C8orf34: variants seen among roughly 807,000 people sequenced by gnomAD.
The protein encoded by C8orf34 is uncharacterized protein C8orf34.
C8orf34 carries 65 observed loss-of-function variants against 68.3 expected under a neutral mutation model. The observed-to-expected ratio is 0.95, with a 90% CI of 0.78 to 1.17. The LOEUF (loss-of-function observed/expected upper bound fraction) is 1.17, where lower values mean the gene tolerates loss of function less well. C8orf34 is among the 50% of genes most tolerant of loss of function. The pLI, the probability that C8orf34 is intolerant of heterozygous loss-of-function variation, is 0.00. For missense variants in C8orf34, 664 were observed against 655.4 expected (o/e 1.01, Z -0.14); for synonymous variants, 244 against 241.2 (o/e 1.01, Z -0.11).
intron 8 of C8orf34, among the ~76,000 whole-genome samples, chr8:68,671,071 T>A (rs776255541): frequency 3.3e-5 from 5 of 152,190 alleles, no homozygotes; most frequent in Non-Finnish European, 5.9e-5. Flanking sequence ...ATTACACTGA[T>A]TCTTTTCAAA....
At chr8:68,375,459 A>G (rs1433091121) in intron 1 of C8orf34, among the ~76,000 whole-genome samples, 2 of 152,240 alleles carry the variant, frequency 1.3e-5, no homozygotes, top group African/African-American at 4.8e-5. Context: ...TTGAGAAACC[A>G]CAGCCACAAC....
At chr8:68,398,514 G>T (rs774708878) in intron 1 of C8orf34, among the ~76,000 whole-genome samples, 42 of 150,894 alleles carry the variant, frequency 2.8e-4, no homozygotes, top group Admixed American at 1.3e-4. Flanking sequence ...TTTTTGGTGT[G>T]GTAAAAAAAC....
At chr8:68,783,680 C>A (rs536399321) in intron 11 of C8orf34, among the ~76,000 whole-genome samples, 2 of 152,136 alleles carry the variant, frequency 1.3e-5, no homozygotes, top group South Asian at 2.1e-4. Context: ...CTTTTCTGGG[C>A]GGAACCAATG....
In C8orf34 at chr8:68,797,107, G is replaced by A. The variant is rs555797416; in HGVS notation, c.1549+9571G>A. On this transcript the variant is annotated intron_variant, in intron 12 of 13. Transcript: ENST00000518698. ...CTCCCAAAGTGCTGGGATTACTGGC[G>A]TGAGCCACCGCACCCAGCCTATTTG... 1.5e-3 allele frequency among the ~76,000 whole-genome samples: 226 copies of A among 152,288 alleles called. 1 individual carries two copies. Among genetic ancestry groups the A allele is most frequent in the African/African-American group, 5.0e-3 (206 of 41,560 alleles).
intron 7 of C8orf34, among the ~76,000 whole-genome samples, chr8:68,580,520 C>A (rs557874103): frequency 6.6e-6 from 1 of 152,004 alleles, no homozygotes; most frequent in Non-Finnish European, 1.5e-5. Context: ...ACACTTATGG[C>A]CCCTATCAGG....
intron 11 of C8orf34, among the ~76,000 whole-genome samples, chr8:68,787,082 A>T (rs1823865835): frequency 6.6e-6 from 1 of 152,182 alleles, no homozygotes; most frequent in Admixed American, 6.5e-5. Context: ...CATTAAAGGG[A>T]ATTTGAAACC....
At chr8:68,795,801 T>G (rs1263484602) in intron 12 of C8orf34, among the ~76,000 whole-genome samples, 2 of 152,162 alleles carry the variant, frequency 1.3e-5, no homozygotes, top group African/African-American at 4.8e-5. Flanking sequence ...ATTTACCAGA[T>G]TTTCTTCTAA....
intron 7 of C8orf34, among the ~76,000 whole-genome samples, chr8:68,576,122 A>C (rs1182720651): frequency 6.6e-6 from 1 of 151,090 alleles, no homozygotes; most frequent in Non-Finnish European, 1.5e-5. Flanking sequence ...TTTACTTACC[A>C]CCAATTAAAT....
At chr8:68,673,440 TCAC>T (rs1410252395) in intron 8 of C8orf34, among the ~76,000 whole-genome samples, 1 of 152,002 alleles carries the variant, frequency 6.6e-6, no homozygotes, top group Non-Finnish European at 1.5e-5. Context: ...CTGACACCAT[TCAC>T]CACAAGCTGA....
At chr8:68,555,284 T>A (rs887615802) in intron 7 of C8orf34, among the ~76,000 whole-genome samples, 1 of 152,178 alleles carries the variant, frequency 6.6e-6, no homozygotes, top group East Asian at 1.9e-4. Flanking sequence ...AAAACTGGGA[T>A]ACCATTTGGA....
intron 7 of C8orf34, chr8:68,534,199 T>A: frequency 1.0e-6 from 1 of 985,444 alleles, no homozygotes; most frequent in Non-Finnish European, 1.2e-6. Context: ...AGATGTTTTC[T>A]GATGCTGTAA....
At chr8:68,478,242 A>T (rs1252935163) in intron 4 of C8orf34, among the ~76,000 whole-genome samples, 1 of 151,782 alleles carries the variant, frequency 6.6e-6, no homozygotes, top group Non-Finnish European at 1.5e-5. Context: ...AGATCCACAG[A>T]TCTGCCCTAG....
chr8:68,693,912 G>A (rs537320704), intron 8 of C8orf34, among the ~76,000 whole-genome samples: 4 of 152,120 alleles, frequency 2.6e-5, no homozygotes, highest in Admixed American at 6.6e-5. Context: ...TAAGAATGAG[G>A]TGCAAACAGG....
At position 68,581,793 on chromosome 8, in the gene C8orf34, C is replaced by T. The variant is rs1054313847; in HGVS notation, c.1105+48644C>T. ...CTGTCCGGCATTTCTGTTGCAGGGG[C>T]AAGAATCCTTTATCATTGTCTCACC... On this transcript the variant is annotated intron_variant, in intron 7 of 13. Coordinates refer to ENST00000518698, the MANE Select transcript of C8orf34 (RefSeq NM_052958.4). 2.0e-5 allele frequency among the ~76,000 whole-genome samples: 3 copies of T among 152,104 alleles called. No individual in the cohort carries two copies. The East Asian group carries it at 5.8e-4, about 29-fold the overall frequency.
At chr8:68,744,387 T>A (rs538768491) in intron 10 of C8orf34, among the ~76,000 whole-genome samples, 1 of 152,184 alleles carries the variant, frequency 6.6e-6, no homozygotes, top group African/African-American at 2.4e-5. Flanking sequence ...GGACGGAGAA[T>A]GACTTTGACG....
chr8:68,588,350 A>G (rs1027299514), intron 7 of C8orf34, among the ~76,000 whole-genome samples: 1 of 152,142 alleles, frequency 6.6e-6, no homozygotes, highest in African/African-American at 2.4e-5. Context: ...TATAAAGCAT[A>G]TAGTATATAG....
chr8:68,538,630 G>T (rs1230023078), intron 7 of C8orf34, among the ~76,000 whole-genome samples: 2 of 152,026 alleles, frequency 1.3e-5, no homozygotes, highest in Admixed American at 1.3e-4. Context: ...GCTTTGGGAA[G>T]TTGCCTAAAA....
At chr8:68,357,667 C>T (rs1221474603) in intron 1 of C8orf34, among the ~76,000 whole-genome samples, 1 of 152,212 alleles carries the variant, frequency 6.6e-6, no homozygotes, top group Non-Finnish European at 1.5e-5. Flanking sequence ...GAATTACTTT[C>T]ACTGAGTTGT....
Position 68,754,325 on chromosome 8 carries a change from C to T in C8orf34, c.1405-22074C>T, listed in dbSNP as rs181770358. Among the ~76,000 whole-genome samples, 289 of 152,316 alleles carry T rather than the reference C, an allele frequency of 1.9e-3. 5 individuals are homozygous for T. The highest frequency in any genetic ancestry group is 1.5e-4 in the Non-Finnish European group (10 of 68,028). On this transcript the variant is annotated intron_variant, in intron 10 of 13. Coordinates refer to ENST00000518698, the MANE Select transcript of C8orf34 (RefSeq NM_052958.4). ...TTTCTTCTAAAGCTATGCAAAATTG[C>T]TACCTTAGTTCAAAGTGGAGAAAAG... is the stretch of plus-strand genomic sequence containing the variant.
Sources: allele counts gnomAD v4.1 joint callset (sites outside exome capture counted in the v4.1 genomes callset), GRCh38; gene constraint gnomAD v4.1.1; transcripts MANE v1.5; gene names NCBI Gene and HGNC (gene_info 2026-07-23, HGNC 2026-07-21).